CSMD2: variants seen among roughly 807,000 people sequenced by gnomAD.
CSMD2 encodes CUB and sushi domain-containing protein 2.
CSMD2 carries 130 observed loss-of-function variants against 398.5 expected under a neutral mutation model. That is an observed-to-expected ratio of 0.33 (90% CI 0.28 to 0.38). The LOEUF (loss-of-function observed/expected upper bound fraction) is 0.38, where lower values mean the gene tolerates loss of function less well. CSMD2 is among the 10% of genes least tolerant of loss of function. The pLI, the probability that CSMD2 is intolerant of heterozygous loss-of-function variation, is 1.00. For synonymous variants in CSMD2, 1,828 were observed against 1,908.5 expected, an observed-to-expected ratio of 0.96 and a Z score of 1.10; for missense variants, 3,829 against 4,764.9, an observed-to-expected ratio of 0.80 and a Z score of 5.78.
chr1:33,523,433 T>C lies in CSMD2; in HGVS notation c.10397-14A>G, dbSNP rs1204684142. On this transcript the variant is annotated splice_polypyrimidine_tract_variant and intron_variant, in intron 66 of 70. Transcript: ENST00000373381. ...TCTTGTAAGTTCCTGGGAAATAAAG[T>C]TCAGGTGTTACACATGAAAGATATG... 3 of 1,221,976 alleles carry C rather than the reference T, an allele frequency of 2.5e-6. No individual in the cohort carries two copies. The East Asian group carries it at 7.4e-5, about 30-fold the overall frequency. 75.7% of individuals were successfully genotyped at this position (1,221,976 alleles called of 1,614,324 possible). A position where few individuals can be genotyped will look rare whatever the true frequency, so the allele number is the denominator to read the frequency against.
chr1:33,761,820 C>G (rs1296578593), intron 13 of CSMD2, among the ~76,000 whole-genome samples: 1 of 152,188 alleles, frequency 6.6e-6, no homozygotes, highest in Non-Finnish European at 1.5e-5. Flanking sequence ...GGATTTTCTT[C>G]CAGGGGAAAC....
intron 25 of CSMD2, among the ~76,000 whole-genome samples, chr1:33,691,386 C>G (rs1645234644): frequency 6.6e-6 from 1 of 152,146 alleles, no homozygotes; most frequent in Non-Finnish European, 1.5e-5. Flanking sequence ...AACTTGTTCC[C>G]TAACAATGCA....
At chr1:33,600,064 C>G (rs1483565231) in intron 44 of CSMD2, 1 of 662,586 alleles carries the variant, frequency 1.5e-6, no homozygotes, top group African/African-American at 1.8e-5. Flanking sequence ...GAATATTTGC[C>G]TTACTACCTC....
chr1:34,074,082 T>C (rs1656047301), intron 2 of CSMD2, among the ~76,000 whole-genome samples: 1 of 152,152 alleles, frequency 6.6e-6, no homozygotes, highest in South Asian at 2.1e-4. Flanking sequence ...GTGATAACCA[T>C]TCATGAGAAA....
Position 33,514,255 on chromosome 1 carries a change from A to G in CSMD2, c.*2369T>C, listed in dbSNP as rs1178484714. 6.7e-6 allele frequency: 1 copy of G among 148,480 alleles called. No homozygotes were observed. The highest frequency in any genetic ancestry group is 1.5e-5 in the Non-Finnish European group (1 of 67,310). 9.2% of individuals were successfully genotyped at this position (148,480 alleles called of 1,614,324 possible). A position where few individuals can be genotyped will look rare whatever the true frequency, so the allele number is the denominator to read the frequency against. ...AAAAGGCTTCCACTACCGTTTACCT[A>G]CAATAATGAAAAAAAAATTTACACC... On this transcript the variant is annotated 3_prime_UTR_variant, in exon 71 of 71. Coordinates refer to ENST00000373381, the MANE Select transcript of CSMD2 (RefSeq NM_001281956.2).
chr1:33,574,153 A>ACTT (rs909388551), intron 49 of CSMD2, among the ~76,000 whole-genome samples: 7 of 152,370 alleles, frequency 4.6e-5, no homozygotes, highest in Middle Eastern at 3.4e-3. Flanking sequence ...TGAGGAATTT[A>ACTT]CTTAAGGATA....
chr1:33,753,827 A>G (rs1648607268), intron 13 of CSMD2, among the ~76,000 whole-genome samples: 2 of 152,234 alleles, frequency 1.3e-5, no homozygotes, highest in African/African-American at 4.8e-5. Flanking sequence ...TTTAAGATTT[A>G]ATCTCTGCCT....
intron 1 of CSMD2, among the ~76,000 whole-genome samples, chr1:34,162,326 A>C (rs1009670970): frequency 3.3e-5 from 5 of 152,012 alleles, no homozygotes; most frequent in African/African-American, 1.2e-4. Flanking sequence ...TGGGTGGGTG[A>C]GGAGACTCCC....
At chr1:33,897,712 C>T (rs976851094) in intron 5 of CSMD2, among the ~76,000 whole-genome samples, 5 of 152,344 alleles carry the variant, frequency 3.3e-5, no homozygotes, top group African/African-American at 1.2e-4. Context: ...GAGCTCAATT[C>T]ACCTGAGATG....
intron 15 of CSMD2, among the ~76,000 whole-genome samples, chr1:33,735,700 T>G (rs933240074): frequency 6.6e-6 from 1 of 152,214 alleles, no homozygotes; most frequent in African/African-American, 2.4e-5. Flanking sequence ...GGAGAAGCCA[T>G]CGTCTCTCTT....
intron 56 of CSMD2, among the ~76,000 whole-genome samples, chr1:33,548,337 G>C (rs1230426272): frequency 6.6e-6 from 1 of 152,218 alleles, no homozygotes; most frequent in Non-Finnish European, 1.5e-5. Context: ...ACAGGATATT[G>C]CACCATGGGG....
At chr1:33,921,351 G>C (rs12757877) in intron 4 of CSMD2, among the ~76,000 whole-genome samples, 6 of 151,722 alleles carry the variant, frequency 4.0e-5, no homozygotes, top group African/African-American at 1.5e-4. Context: ...AGAGTTTGTC[G>C]CCTTCTGATG....
At chr1:33,540,775 C>G (rs1202028555) in intron 59 of CSMD2, 77 bp from the exon 60 acceptor site, 2 of 1,528,358 alleles carry the variant, frequency 1.3e-6, no homozygotes, top group Non-Finnish European at 1.8e-6. Context: ...TTGATATCAC[C>G]GACTACCCTG....
At chr1:33,928,543 A>G (rs1369106600) in intron 4 of CSMD2, among the ~76,000 whole-genome samples, 2 of 152,236 alleles carry the variant, frequency 1.3e-5, no homozygotes, top group Admixed American at 1.3e-4. Flanking sequence ...CAAATGAGAA[A>G]ACTGGGGCAT....
At chr1:33,552,408 A>G (rs1475932892) in intron 55 of CSMD2, among the ~76,000 whole-genome samples, 1 of 152,254 alleles carries the variant, frequency 6.6e-6, no homozygotes, top group Non-Finnish European at 1.5e-5. Flanking sequence ...TCCAAGGTAT[A>G]TGCCCAAGAG....
At chr1:33,603,531 A>T (rs1189043501) in intron 42 of CSMD2, among the ~76,000 whole-genome samples, 2 of 152,216 alleles carry the variant, frequency 1.3e-5, no homozygotes, top group African/African-American at 4.8e-5. Flanking sequence ...ATGCACGTAC[A>T]TCCTGAAAGT....
intron 2 of CSMD2, among the ~76,000 whole-genome samples, chr1:34,044,983 GCAT>G (rs1193957679): frequency 6.6e-6 from 1 of 150,668 alleles, no homozygotes; most frequent in Non-Finnish European, 1.5e-5. Context: ...ATCATTACAG[GCAT>G]CATCTAGTAA....
intron 25 of CSMD2, among the ~76,000 whole-genome samples, chr1:33,678,687 A>G (rs1470117333): frequency 6.6e-6 from 1 of 152,176 alleles, no homozygotes; most frequent in Non-Finnish European, 1.5e-5. Flanking sequence ...CCGAGCTGCA[A>G]ACCAACAATT....
intron 3 of CSMD2, among the ~76,000 whole-genome samples, chr1:33,990,429 A>G (rs987624622): frequency 2.0e-5 from 3 of 152,166 alleles, no homozygotes; most frequent in African/African-American, 7.2e-5. Context: ...ATTGGAATTA[A>G]TGAGGATTCA....
Sources: gnomAD v4.1 joint callset for allele counts (sites outside exome capture counted in the v4.1 genomes callset) on GRCh38, gnomAD v4.1.1 for gene constraint, MANE v1.5 for transcripts, NCBI Gene and HGNC (gene_info 2026-07-23, HGNC 2026-07-21) for gene names.